The following KIAA1217 variants were observed in gnomAD, a reference collection of about 807,000 sequenced individuals.
KIAA1217 encodes sickle tail protein homolog.
Under a neutral mutation model 163.9 loss-of-function variants are expected in KIAA1217, and 88 were observed. The observed-to-expected ratio is 0.54, with a 90% CI of 0.45 to 0.64. The LOEUF (loss-of-function observed/expected upper bound fraction) is 0.64. Ranked by LOEUF, KIAA1217 falls within the 30% of genes least tolerant of loss-of-function variation. The probability of loss-of-function intolerance (pLI) is 0.00; values close to 1 mark genes in which losing one functional copy is unlikely to be tolerated. For synonymous variants in KIAA1217, 903 were observed against 923.1 expected (o/e 0.98, Z 0.39); for missense variants, 2,372 against 2,475.0 (o/e 0.96, Z 0.88).
chr10:24,435,447 T>G (rs137898242), intron 4 of KIAA1217, among the ~76,000 whole-genome samples: 2 of 152,250 alleles, frequency 1.3e-5, no homozygotes, highest in African/African-American at 2.4e-5. Flanking sequence ...ACAATCATCT[T>G]ACATTTCTGC....
chr10:23,825,990 T>G (rs1837877577), intron 1 of KIAA1217, among the ~76,000 whole-genome samples: 1 of 152,170 alleles, frequency 6.6e-6, no homozygotes, highest in South Asian at 2.1e-4. Flanking sequence ...TACACAGAGA[T>G]AAAAAATTGT....
chr10:24,356,930 A>G (rs1414325860), intron 2 of KIAA1217, among the ~76,000 whole-genome samples: 1 of 152,222 alleles, frequency 6.6e-6, no homozygotes, highest in African/African-American at 2.4e-5. Flanking sequence ...AAATTTGCCA[A>G]AAAGGTTTAA....
At chr10:24,334,948 A>G (rs1259647947) in intron 2 of KIAA1217, among the ~76,000 whole-genome samples, 2 of 152,182 alleles carry the variant, frequency 1.3e-5, no homozygotes, top group African/African-American at 2.4e-5. Flanking sequence ...CTTCTTTTTA[A>G]ATGCAAATGG....
At chr10:23,807,374 C>T (rs1045615956) in intron 1 of KIAA1217, among the ~76,000 whole-genome samples, 1 of 152,200 alleles carries the variant, frequency 6.6e-6, no homozygotes, top group African/African-American at 2.4e-5. Context: ...AGAAGCTACC[C>T]CTAAATGAAG....
chr10:23,934,727 C>A (rs1005167522), intron 1 of KIAA1217, among the ~76,000 whole-genome samples: 2 of 149,132 alleles, frequency 1.3e-5, no homozygotes, highest in Non-Finnish European at 3.0e-5. Flanking sequence ...ACGCCATTCT[C>A]CTGCCTCAGC....
chr10:23,695,713 C>A lies in KIAA1217; in HGVS notation c.-321+479C>A, dbSNP rs1835991456. Reference sequence around the variant, plus strand: ...GAGAGAGAACCGGCCCCGAGACGGGCTGGAGGGTGGGGACACTGGGGAGTT... The same window carrying A: ...GAGAGAGAACCGGCCCCGAGACGGGATGGAGGGTGGGGACACTGGGGAGTT... On this transcript the variant is annotated intron_variant, in intron 1 of 18. Coordinates refer to the KIAA1217 transcript ENST00000376462. This position sits in a 1 kb window ranked among gnomAD's most constrained non-coding sequence, Gnocchi z 4.9. Among the ~76,000 whole-genome samples the A allele has an allele frequency of 6.6e-6, 1 of 152,030 alleles. No homozygotes were observed. The highest frequency in any genetic ancestry group is 1.5e-5 in the Non-Finnish European group (1 of 67,980).
chr10:24,390,754 A>G (rs77806991), intron 3 of KIAA1217, among the ~76,000 whole-genome samples: 2 of 152,326 alleles, frequency 1.3e-5, no homozygotes, highest in Non-Finnish European at 2.9e-5. Flanking sequence ...AGAATTAACC[A>G]TTGTAAGGAA....
intron 7 of KIAA1217, 64 bp downstream of exon 7, chr10:24,494,668 A>C: frequency 4.6e-6 from 5 of 1,092,914 alleles, no homozygotes; most frequent in Non-Finnish European, 6.8e-6. Context: ...TCATTAAGAT[A>C]ATTCATTCAT....
intron 1 of KIAA1217, among the ~76,000 whole-genome samples, chr10:23,923,057 A>G (rs1316344842): frequency 6.6e-6 from 1 of 152,122 alleles, no homozygotes; most frequent in East Asian, 1.9e-4. Context: ...AGCAGGGTAC[A>G]CTGTACCCAA....
chr10:23,757,071 A>G (rs1195665538), intron 1 of KIAA1217, among the ~76,000 whole-genome samples: 2 of 152,194 alleles, frequency 1.3e-5, no homozygotes, highest in Non-Finnish European at 2.9e-5. Flanking sequence ...TTTAAGGTTG[A>G]ATAATGTTCC....
At chr10:24,172,028 G>A (rs1274225186) in intron 2 of KIAA1217, among the ~76,000 whole-genome samples, 3 of 152,120 alleles carry the variant, frequency 2.0e-5, no homozygotes, top group South Asian at 4.2e-4. Flanking sequence ...GCTTAGACAT[G>A]GCAAATGGCT....
chr10:24,332,704 G>C (rs1358621908), intron 2 of KIAA1217, among the ~76,000 whole-genome samples: 24 of 152,104 alleles, frequency 1.6e-4, no homozygotes. Context: ...CTCTTGGAGG[G>C]GCTGCCTCAT....
rs1427492233 is a variant in KIAA1217, at chr10:24,547,326, G to A, written c.*1002G>A. 4 of 152,336 alleles carry A rather than the reference G, an allele frequency of 2.6e-5. No homozygotes were observed. Among genetic ancestry groups the A allele is most frequent in the South Asian group, 4.1e-4 (2 of 4,826 alleles). 9.4% of individuals were successfully genotyped at this position (152,336 alleles called of 1,614,324 possible). ...TATGCATGCTTTAAAAGTATATATC[G>A]GGACCGGCAGAAATGGAAGTATCCA... is the stretch of plus-strand genomic sequence containing the variant. On this transcript the variant is annotated 3_prime_UTR_variant, in exon 21 of 21. Coordinates refer to ENST00000376454, the MANE Select transcript of KIAA1217 (RefSeq NM_019590.5).
At chr10:23,713,678 C>T (rs1312998849) in intron 1 of KIAA1217, among the ~76,000 whole-genome samples, 1 of 152,122 alleles carries the variant, frequency 6.6e-6, no homozygotes, top group African/African-American at 2.4e-5. Flanking sequence ...GCTATCCTTA[C>T]ATAAGACCAC....
chr10:24,527,157 T>C (rs1326959804), intron 13 of KIAA1217, among the ~76,000 whole-genome samples: 2 of 152,012 alleles, frequency 1.3e-5, no homozygotes, highest in Non-Finnish European at 2.9e-5. Context: ...TAATACCTCC[T>C]CCCTCATTTT....
At chr10:24,314,444 G>A (rs1318667452) in intron 2 of KIAA1217, among the ~76,000 whole-genome samples, 1 of 152,180 alleles carries the variant, frequency 6.6e-6, no homozygotes, top group Admixed American at 6.5e-5. Flanking sequence ...CTAAATGAGG[G>A]AGGGTATTCA....
At chr10:23,712,460 G>A (rs1837321511) in intron 1 of KIAA1217, among the ~76,000 whole-genome samples, 1 of 151,894 alleles carries the variant, frequency 6.6e-6, no homozygotes, top group African/African-American at 2.4e-5. Flanking sequence ...GCAGAGCAGT[G>A]CAGTCAACTC....
At chr10:23,978,677 T>C (rs1845640800) in intron 1 of KIAA1217, among the ~76,000 whole-genome samples, 1 of 152,092 alleles carries the variant, frequency 6.6e-6, no homozygotes. Context: ...ACACAATCTT[T>C]ATATATATAA....
chr10:23,711,092 GAGGCACC>G (rs1387422716), intron 1 of KIAA1217, among the ~76,000 whole-genome samples: 7 of 152,270 alleles, frequency 4.6e-5, no homozygotes, highest in Non-Finnish European at 1.5e-5. Context: ...CAGAAGGAGT[GAGGCACC>G]AGATCTTCTG....
Sources: allele counts gnomAD v4.1 joint callset (sites outside exome capture counted in the v4.1 genomes callset), GRCh38; gene constraint gnomAD v4.1.1; non-coding constraint Gnocchi (gnomAD v3.1); transcripts MANE v1.5; gene names NCBI Gene and HGNC (gene_info 2026-07-23, HGNC 2026-07-21).